NPAS3: variants seen among roughly 807,000 people sequenced by gnomAD.
NPAS3 encodes the protein neuronal PAS domain protein 3, also known as neuronal PAS domain-containing protein 3.
In NPAS3, 14 loss-of-function variants were observed where a neutral mutation model predicts 73.1. The observed-to-expected ratio is 0.19, with a 90% CI of 0.13 to 0.30. The LOEUF (loss-of-function observed/expected upper bound fraction) is 0.30, where lower values mean the gene tolerates loss of function less well. Among genes scored for constraint, NPAS3 ranks in the 10% least tolerant of loss-of-function variants. The probability of loss-of-function intolerance (pLI) is 1.00; values close to 1 mark genes in which losing one functional copy is unlikely to be tolerated. For missense variants in NPAS3, 1,096 were observed against 1,250.0 expected (o/e 0.88, Z 1.86); for synonymous variants, 620 against 541.5 (o/e 1.14, Z -2.01).
chr14:33,723,204 A>C (rs915705863), intron 6 of NPAS3, among the ~76,000 whole-genome samples: 1 of 152,100 alleles, frequency 6.6e-6, no homozygotes, highest in African/African-American at 2.4e-5. Flanking sequence ...CATTCACTCC[A>C]TTAAAGAAAT....
intron 3 of NPAS3, among the ~76,000 whole-genome samples, chr14:33,239,901 G>A (rs1257621201): frequency 6.6e-6 from 1 of 151,642 alleles, no homozygotes; most frequent in Non-Finnish European, 1.5e-5. Flanking sequence ...TGCAGTAACC[G>A]AAGAAAAACT....
At chr14:33,118,110 C>T (rs968031725) in intron 2 of NPAS3, among the ~76,000 whole-genome samples, 12 of 151,980 alleles carry the variant, frequency 7.9e-5, no homozygotes, top group African/African-American at 2.4e-4. Flanking sequence ...TGTTGAATGA[C>T]TTTCACATAA....
At chr14:33,738,622 C>A (rs1047392936) in intron 7 of NPAS3, among the ~76,000 whole-genome samples, 3 of 152,124 alleles carry the variant, frequency 2.0e-5, no homozygotes, top group African/African-American at 7.2e-5. Flanking sequence ...TCTGCCACAC[C>A]CCCTTCCTCA....
chr14:33,528,062 A>G (rs964694003), intron 4 of NPAS3, among the ~76,000 whole-genome samples: 5 of 152,116 alleles, frequency 3.3e-5, no homozygotes, highest in African/African-American at 1.2e-4. Context: ...CTTCCATAGA[A>G]TTATTTTCCC....
chr14:33,401,288 G>C (rs749997091), intron 4 of NPAS3, among the ~76,000 whole-genome samples: 1 of 151,992 alleles, frequency 6.6e-6, no homozygotes, highest in Non-Finnish European at 1.5e-5. Flanking sequence ...TCTTCTCTGA[G>C]GTGTGCTGTT....
At chr14:33,391,016 CCTAA>C (rs1391330702) in intron 4 of NPAS3, among the ~76,000 whole-genome samples, 2 of 151,978 alleles carry the variant, frequency 1.3e-5, no homozygotes, top group Non-Finnish European at 2.9e-5. Flanking sequence ...CTTTAGGTAT[CCTAA>C]CTATTTGTAT....
chr14:33,673,610 T>C (rs2059672717), intron 5 of NPAS3, among the ~76,000 whole-genome samples: 1 of 152,194 alleles, frequency 6.6e-6, no homozygotes, highest in Non-Finnish European at 1.5e-5. Context: ...TCTGCATAGT[T>C]TCACTAGATT....
intron 5 of NPAS3, among the ~76,000 whole-genome samples, chr14:33,563,726 T>C (rs1046020988): frequency 2.0e-5 from 3 of 152,174 alleles, no homozygotes; most frequent in Non-Finnish European, 2.9e-5. Flanking sequence ...TGAGTTTGGC[T>C]TGCATAGAGA....
intron 1 of NPAS3, among the ~76,000 whole-genome samples, chr14:33,000,206 G>A (rs983240832): frequency 6.6e-6 from 1 of 152,010 alleles, no homozygotes; most frequent in Non-Finnish European, 1.5e-5. Context: ...TGTTGCCCAG[G>A]TCACATAAGT....
chr14:33,800,510 G>A lies in NPAS3; in HGVS notation c.2203G>A (p.Ala735Thr). 1.4e-6 allele frequency: 2 copies of A among 1,425,442 alleles called. No individual in the cohort carries two copies. The highest frequency in any genetic ancestry group is 9.1e-7 in the Non-Finnish European group (1 of 1,097,198). The allele number at this position is 1,425,442 out of a possible 1,614,324, so 88.3% of individuals were successfully genotyped here. The change falls in exon 12 of 12, where the codon GCC (alanine) becomes ACC (threonine). Residue 735 changes from alanine (A) to threonine (T), a missense_variant. Ala to Thr is a moderately conservative substitution (Grantham distance 58). Transcript: ENST00000356141. This position sits in a 1 kb window ranked among gnomAD's most constrained non-coding sequence, Gnocchi z 6.5. ...CCGCAAGACTCAGTTCGGCGCCTCGGCCACCGCGGCCCTGGCCCCCGTCGC... is the reference window on the plus strand; with the variant it reads ...CCGCAAGACTCAGTTCGGCGCCTCGACCACCGCGGCCCTGGCCCCCGTCGC...
chr14:33,395,430 A>C (rs1051727093), intron 4 of NPAS3, among the ~76,000 whole-genome samples: 2 of 152,028 alleles, frequency 1.3e-5, no homozygotes, highest in African/African-American at 4.8e-5. Flanking sequence ...TTGGTAAATA[A>C]ATTCTTTGTA....
rs1223263333 is a variant in NPAS3 at position 33,335,041 on chromosome 14, TGC to T, written c.386-32143_386-32142del. On this transcript the variant is annotated intron_variant, in intron 3 of 11. Transcript: ENST00000356141. ...TTAGTGGTATTCCATTGTGTGTGTG[TGC>T]GTGTGTGTGTGTGTGTGTGTGTGTG... Among the ~76,000 whole-genome samples, 51 of 108,350 alleles carry T rather than the reference TGC, an allele frequency of 4.7e-4. 1 individual carries two copies. The highest frequency in any genetic ancestry group is 1.8e-3 in the African/African-American group (45 of 25,690). The allele number at this position is 108,350 out of a possible 152,430, so 71.1% of individuals were successfully genotyped here. A position where few individuals can be genotyped will look rare whatever the true frequency, so the allele number is the denominator to read the frequency against.
chr14:33,353,338 G>A (rs568645278), intron 3 of NPAS3, among the ~76,000 whole-genome samples: 34 of 152,252 alleles, frequency 2.2e-4, no homozygotes, highest in African/African-American at 7.9e-4. Context: ...ATACTTGCCT[G>A]TGGGTATTTG....
intron 6 of NPAS3, among the ~76,000 whole-genome samples, chr14:33,696,387 C>T (rs2060381276): frequency 6.6e-6 from 1 of 152,164 alleles, no homozygotes; most frequent in African/African-American, 2.4e-5. Context: ...TTTCGTCACC[C>T]ACAAAATGAA....
At chr14:33,789,954 A>G in intron 9 of NPAS3, among the ~76,000 whole-genome samples, 1 of 152,186 alleles carries the variant, frequency 6.6e-6, no homozygotes, top group East Asian at 1.9e-4. Context: ...TCAGCGAGAG[A>G]CACACAGGTT....
rs116751147 is a variant in NPAS3 at position 33,713,175 on chromosome 14, T to C, written c.734-22039T>C. Among the ~76,000 whole-genome samples the C allele has an allele frequency of 5.4e-3, 827 of 152,314 alleles. 4 individuals are homozygous for C. The highest frequency in any genetic ancestry group is 8.3e-3 in the Non-Finnish European group (567 of 68,028). ...AACAGAGATTAGTTCAATTCTGTTATCAACTCAATTGATTTACAAGGTCTC... is the reference window on the plus strand; with the variant it reads ...AACAGAGATTAGTTCAATTCTGTTACCAACTCAATTGATTTACAAGGTCTC... On this transcript the variant is annotated intron_variant, in intron 6 of 11. Coordinates refer to ENST00000356141, the Ensembl canonical transcript of NPAS3.
chr14:33,386,855 A>G (rs1183851311), intron 4 of NPAS3, among the ~76,000 whole-genome samples: 1 of 152,162 alleles, frequency 6.6e-6, no homozygotes, highest in Non-Finnish European at 1.5e-5. Flanking sequence ...ATAACTATGT[A>G]TTCCAATTTC....
intron 2 of NPAS3, among the ~76,000 whole-genome samples, chr14:33,121,830 A>G (rs1307473567): frequency 2.6e-5 from 4 of 152,198 alleles, no homozygotes; most frequent in Non-Finnish European, 5.9e-5. Flanking sequence ...ACTCAGGTGA[A>G]TTAAAAAATG....
intron 5 of NPAS3, among the ~76,000 whole-genome samples, chr14:33,622,973 A>T (rs1036089557): frequency 2.0e-5 from 3 of 152,142 alleles, no homozygotes; most frequent in Non-Finnish European, 4.4e-5. Context: ...TTCTTTTATT[A>T]TCCTGACTAC....
Sources: gnomAD v4.1 joint callset for allele counts (sites outside exome capture counted in the v4.1 genomes callset) on GRCh38, gnomAD v4.1.1 for gene constraint, Gnocchi (gnomAD v3.1) non-coding constraint, MANE v1.5 for transcripts, NCBI Gene and HGNC (gene_info 2026-07-23, HGNC 2026-07-21) for gene names.